The following F5 variants were observed in gnomAD, a reference collection of about 807,000 sequenced individuals.
F5 encodes activated protein c cofactor.
Under a neutral mutation model 216.4 loss-of-function variants are expected in F5, and 138 were observed. The observed-to-expected ratio is 0.64, with a 90% CI of 0.56 to 0.73. The LOEUF (loss-of-function observed/expected upper bound fraction) is 0.73, where lower values mean the gene tolerates loss of function less well. Ranked by LOEUF, F5 falls within the 30% of genes least tolerant of loss-of-function variation. The pLI is 0.00. For missense variants in F5, 2,403 were observed against 2,674.0 expected, an observed-to-expected ratio of 0.90 and a Z score of 2.24; for synonymous variants, 916 against 930.7, an observed-to-expected ratio of 0.98 and a Z score of 0.29.
chr1:169,561,897 T>C (rs3820061), intron 3 of F5, among the ~76,000 whole-genome samples: 36,555 of 151,740 alleles, frequency 0.24, 5,304 homozygotes, highest in South Asian at 0.36. Flanking sequence ...ATTAATCCTT[T>C]CCCTCCCCTT....
intron 6 of F5, among the ~76,000 whole-genome samples, chr1:169,556,430 A>AAAAAAAAAAAAAAC (rs1259481740): frequency 2.0e-5 from 3 of 148,326 alleles, no homozygotes; most frequent in Admixed American, 6.7e-5. Flanking sequence ...TTAATTAAAA[A>AAAAAAAAAAAAAAC]AAAAAAAAAA....
At chr1:169,526,054 T>A in intron 17 of F5, 37 bp from the exon 18 acceptor site, 1 of 1,399,548 alleles carries the variant, frequency 7.1e-7, no homozygotes, top group Non-Finnish European at 1.0e-6. Context: ...TTGCAAAAAT[T>A]AACAAGTAAA....
chr1:169,522,629 T>A (rs1659336465), intron 21 of F5, among the ~76,000 whole-genome samples: 1 of 152,196 alleles, frequency 6.6e-6, no homozygotes, highest in Admixed American at 6.6e-5. Flanking sequence ...ACTCCTTGCA[T>A]TCAGACTTCT....
chr1:169,532,877 T>C (rs1053043163), intron 14 of F5, among the ~76,000 whole-genome samples: 3 of 152,148 alleles, frequency 2.0e-5, no homozygotes, highest in Non-Finnish European at 4.4e-5. Context: ...GACAAAGCTA[T>C]TCTAAAATTC....
chr1:169,574,000 C>T (rs975229265), intron 2 of F5, among the ~76,000 whole-genome samples: 1 of 151,992 alleles, frequency 6.6e-6, no homozygotes. Context: ...AAAAAATAAA[C>T]AATAAAAACA....
In F5 at chr1:169,542,097, T is replaced by C. The variant is rs763713998; in HGVS notation, c.2993A>G (p.His998Arg). The C allele has an allele frequency of 1.2e-6, 2 of 1,614,108 alleles. No individual in the cohort carries two copies. Among genetic ancestry groups the C allele is most frequent in the Non-Finnish European group, 1.7e-6 (2 of 1,179,992 alleles). Residue 998 changes from histidine to arginine, a missense_variant, in exon 13 of 25, where the codon CAC (histidine) becomes CGC (arginine). By Grantham distance (29) the His-to-Arg change is conservative. Transcript: ENST00000367797. ...ATGTCTAACTCTAGGAAACTTTGGG[T>C]GGCCACTCTGCTTTCCAGGCTTGTT... ...LANKPGKQSG[H>R]PKFPRVRHKS...
At chr1:169,582,143 A>G (rs1306467020) in intron 2 of F5, among the ~76,000 whole-genome samples, 1 of 152,272 alleles carries the variant, frequency 6.6e-6, no homozygotes, top group Non-Finnish European at 1.5e-5. Flanking sequence ...AAACAGAGCC[A>G]GCTTCATGGG....
At chr1:169,515,295 T>G (rs1363979181) in intron 24 of F5, 149 bp downstream of exon 24, 13 of 966,434 alleles carry the variant, frequency 1.3e-5, no homozygotes, top group Middle Eastern at 2.1e-4. Context: ...ACCAGGAGTT[T>G]GTCTGAGACC....
chr1:169,535,436 A>G (rs1221292231), intron 14 of F5, among the ~76,000 whole-genome samples: 1 of 152,176 alleles, frequency 6.6e-6, no homozygotes, highest in Non-Finnish European at 1.5e-5. Context: ...GTTTTTGGTT[A>G]CATGGATGAA....
At position 169,559,236 on chromosome 1, in the gene F5, G is replaced by A. The variant is rs768038673; in HGVS notation, c.647C>T (p.Ala216Val). ...TFDKQIVLLFAVFDESKSWSQ... is the reference protein window; with the variant it reads ...TFDKQIVLLFVVFDESKSWSQ... ...CCAGCTCTTGCTTTCATCAAACACA[G>A]CAAATAGTAGCACGATTTGCTTGTC... Residue 216 changes from alanine to valine, a missense_variant, in exon 5 of 25, where the codon GCT becomes GTT. This residue lies in a region of F5 where 1,425 missense variants were observed against 1,554.8 expected (regional missense o/e 0.92). Coordinates refer to ENST00000367797, the MANE Select transcript of F5 (RefSeq NM_000130.5). The A allele has an allele frequency of 1.2e-6, 2 of 1,613,638 alleles. No individual in the cohort carries two copies. The highest frequency in any genetic ancestry group is 1.7e-6 in the Non-Finnish European group (2 of 1,179,812).
intron 3 of F5, among the ~76,000 whole-genome samples, chr1:169,570,767 A>G (rs1660703927): frequency 6.6e-6 from 1 of 152,178 alleles, no homozygotes; most frequent in Non-Finnish European, 1.5e-5. Context: ...AACACATTTT[A>G]ATTGAAGAAT....
Position 169,514,286 on chromosome 1 carries a change from C to A in F5, c.*27G>T. 6.2e-7 allele frequency: 1 copy of A among 1,612,106 alleles called. No individual in the cohort carries two copies. The highest frequency in any genetic ancestry group is 1.1e-5 in the South Asian group (1 of 91,052). On this transcript the variant is annotated 3_prime_UTR_variant, in exon 25 of 25. Coordinates refer to ENST00000367797, the MANE Select transcript of F5 (RefSeq NM_000130.5). ...AATGGTTTGAGGTCTTAAAGAGTCT[C>A]TTCCAGGGGTTTTTGAATGTTCAAT... is the stretch of plus-strand genomic sequence containing the variant.
In F5 at chr1:169,536,648, G is replaced by A. The variant is rs753076131; in HGVS notation, c.4829C>T (p.Pro1610Leu). 4.3e-6 allele frequency: 7 copies of A among 1,612,520 alleles called. No individual in the cohort carries two copies. Among genetic ancestry groups the A allele is most frequent in the Non-Finnish European group, 5.9e-6 (7 of 1,178,772 alleles). ...TACTTTCTTATATGTGGTATCTTCT[G>A]GAATATCATCAGAGTCTTCAATATC... ...ETDIEDSDDI[P>L]EDTTYKKVVF... The change falls in exon 14 of 25, where the codon CCA (proline) becomes CTA (leucine). Residue 1610 changes from proline (P) to leucine (L), a missense_variant. Physicochemically the swap from Pro to Leu is moderately conservative, Grantham distance 98. Transcript: ENST00000367797.
chr1:169,518,010 A>G (rs1659197889), intron 23 of F5, among the ~76,000 whole-genome samples: 1 of 152,226 alleles, frequency 6.6e-6, no homozygotes, highest in Admixed American at 6.5e-5. Flanking sequence ...TTTTGTAAAC[A>G]AAGTTTTATT....
Position 169,543,086 on chromosome 1 carries a change from A to G in F5, c.2004T>C (p.Ser668=). 6.2e-7 allele frequency: 1 copy of G among 1,613,872 alleles called. No individual in the cohort carries two copies. Among genetic ancestry groups the G allele is most frequent in the Non-Finnish European group, 8.5e-7 (1 of 1,179,898 alleles). ...GCCTCAGCTTTTTGCTTCTTGGACT[A>G]GAATTCATGGAAGTTAACATCCAAG... The part of the protein sequence containing the change: ...VGTWMLTSMN[S]SPRSKKLRLK... The change falls in exon 13 of 25, where the codon TCT becomes TCC. Residue 668 remains serine (S), a synonymous_variant. Coordinates refer to ENST00000367797, the MANE Select transcript of F5 (RefSeq NM_000130.5).
chr1:169,574,070 T>C (rs1660787712), intron 2 of F5, among the ~76,000 whole-genome samples: 1 of 152,188 alleles, frequency 6.6e-6, no homozygotes, highest in Non-Finnish European at 1.5e-5. Context: ...CATTCAGTAT[T>C]ATAACTAATT....
intron 7 of F5, among the ~76,000 whole-genome samples, chr1:169,553,936 C>A (rs1369886029): frequency 6.6e-6 from 1 of 152,178 alleles, no homozygotes; most frequent in African/African-American, 2.4e-5. Flanking sequence ...ACCCAGCAAT[C>A]TTTTAAGATG....
intron 12 of F5, among the ~76,000 whole-genome samples, chr1:169,543,734 C>G (rs916251152): frequency 6.6e-6 from 1 of 152,188 alleles, no homozygotes; most frequent in African/African-American, 2.4e-5. Flanking sequence ...GAGTGCTAGG[C>G]ACTTGGCGCA....
chr1:169,585,666 T>C (rs1456203606), intron 1 of F5, among the ~76,000 whole-genome samples: 1 of 151,988 alleles, frequency 6.6e-6, no homozygotes, highest in Non-Finnish European at 1.5e-5. Flanking sequence ...ATAAGTCAAA[T>C]ATGAAGCAGA....
Sources: allele counts gnomAD v4.1 joint callset (sites outside exome capture counted in the v4.1 genomes callset), GRCh38; gene constraint gnomAD v4.1.1; regional missense constraint gnomAD v4.1.1; transcripts MANE v1.5; gene names NCBI Gene and HGNC (gene_info 2026-07-23, HGNC 2026-07-21).